NAF1: variants seen among roughly 807,000 people sequenced by gnomAD.
The protein encoded by NAF1 is nuclear assembly factor 1 ribonucleoprotein.
NAF1 carries 11 observed loss-of-function variants against 40.6 expected under a neutral mutation model. That is an observed-to-expected ratio of 0.27 (90% confidence interval 0.17 to 0.45). The LOEUF (loss-of-function observed/expected upper bound fraction) is 0.45. Ranked by LOEUF, NAF1 falls within the 20% of genes least tolerant of loss-of-function variation. The pLI is 1.00. For missense variants in NAF1, 607 were observed against 611.1 expected, an observed-to-expected ratio of 0.99 and a Z score of 0.07; for synonymous variants, 260 against 228.5, an observed-to-expected ratio of 1.14 and a Z score of -1.24.
intron 2 of NAF1, among the ~76,000 whole-genome samples, chr4:163,153,756 G>A (rs554642634): frequency 2.0e-5 from 3 of 152,188 alleles, no homozygotes; most frequent in African/African-American, 7.2e-5. Flanking sequence ...CAGGATGTGG[G>A]TGGGGCCAGA....
At chr4:163,115,393 A>C (rs1192704883) in intron 2 of NAF1, among the ~76,000 whole-genome samples, 2 of 151,912 alleles carry the variant, frequency 1.3e-5, no homozygotes, top group East Asian at 3.9e-4. Flanking sequence ...TATTTTTAGT[A>C]GAGACGGGGT....
At chr4:163,165,461 G>A (rs1406152698) in intron 1 of NAF1, among the ~76,000 whole-genome samples, 2 of 152,154 alleles carry the variant, frequency 1.3e-5, no homozygotes, top group Non-Finnish European at 2.9e-5. Flanking sequence ...AATCCCACAA[G>A]ATGATTATAC....
chr4:163,151,106 T>TAA (rs142691120), intron 2 of NAF1, among the ~76,000 whole-genome samples: 7,534 of 148,400 alleles, frequency 0.051, 238 homozygotes, highest in African/African-American at 0.073. Context: ...TATTAATTTA[T>TAA]AAAAAAAAAA....
intron 5 of NAF1, among the ~76,000 whole-genome samples, chr4:163,138,904 T>C (rs1387988723): frequency 6.6e-6 from 1 of 152,164 alleles, no homozygotes; most frequent in Non-Finnish European, 1.5e-5. Flanking sequence ...ATGCTAAATA[T>C]TTAAAGCATT....
downstream of NAF1, among the ~76,000 whole-genome samples, chr4:163,106,157 A>C (rs1289345662): frequency 1.3e-5 from 2 of 152,094 alleles, no homozygotes; most frequent in Non-Finnish European, 1.5e-5. Flanking sequence ...AGTTATCCCA[A>C]ACAAAGACAT....
At chr4:163,135,558 A>G in intron 6 of NAF1, 1 of 152,202 alleles carries the variant, frequency 6.6e-6, no homozygotes, top group East Asian at 1.9e-4. Flanking sequence ...TGAGAGGCAG[A>G]GAGGGGTGGA....
rs1297764488 is a variant in NAF1 at position 163,166,850 on chromosome 4, G to C, written c.-123C>G. ...CAACACTGCCTGGGCCCAACTTCCCGCGTTTCTCAGGTAACTACACGCGGA... is the reference window on the plus strand; with the variant it reads ...CAACACTGCCTGGGCCCAACTTCCCCCGTTTCTCAGGTAACTACACGCGGA... On this transcript the variant is annotated 5_prime_UTR_variant, in exon 1 of 8. Coordinates refer to ENST00000274054, the MANE Select transcript of NAF1 (RefSeq NM_138386.3). 55 of 1,327,974 alleles carry C rather than the reference G, an allele frequency of 4.1e-5. No individual in the cohort carries two copies. Among genetic ancestry groups the C allele is most frequent in the Admixed American group, 5.7e-5 (2 of 35,350 alleles). 82.3% of individuals were successfully genotyped at this position (1,327,974 alleles called of 1,614,324 possible). A position where few individuals can be genotyped will look rare whatever the true frequency, so the allele number is the denominator to read the frequency against.
At chr4:163,159,885 T>C (rs1047746532) in intron 2 of NAF1, among the ~76,000 whole-genome samples, 1 of 152,210 alleles carries the variant, frequency 6.6e-6, no homozygotes, top group African/African-American at 2.4e-5. Context: ...AATTTTTAAA[T>C]GTTATGTGAA....
chr4:163,151,079 T>C (rs908771703), intron 2 of NAF1, among the ~76,000 whole-genome samples: 8 of 151,986 alleles, frequency 5.3e-5, no homozygotes, highest in African/African-American at 1.9e-4. Flanking sequence ...TTACATATTT[T>C]TTAAGGGCTT....
intron 2 of NAF1, among the ~76,000 whole-genome samples, chr4:163,111,832 G>GTT (rs1474900722): frequency 1.3e-5 from 2 of 152,124 alleles, no homozygotes; most frequent in Admixed American, 6.6e-5. Context: ...GGAGAAAAAA[G>GTT]TAAAAGAGTT....
At chr4:163,164,540 C>G (rs1473148067) in intron 1 of NAF1, 149 bp from the exon 2 acceptor site, 1 of 601,268 alleles carries the variant, frequency 1.7e-6, no homozygotes, top group African/African-American at 2.0e-5. Context: ...TAAGAAATAT[C>G]AACTTTACTA....
intron 7 of NAF1, among the ~76,000 whole-genome samples, chr4:163,132,434 C>T (rs1050419492): frequency 6.6e-6 from 1 of 152,164 alleles, no homozygotes; most frequent in Admixed American, 6.5e-5. Flanking sequence ...GGTGGATGCA[C>T]AGATACTACG....
chr4:163,119,973 A>C (rs1406862634), intron 2 of NAF1: 1 of 152,250 alleles, frequency 6.6e-6, no homozygotes, highest in Non-Finnish European at 1.5e-5. Context: ...AATTATACCT[A>C]ATCAAAAACA....
chr4:163,142,501 A>G (rs1731300068), intron 4 of NAF1, among the ~76,000 whole-genome samples: 1 of 152,252 alleles, frequency 6.6e-6, no homozygotes, highest in Non-Finnish European at 1.5e-5. Flanking sequence ...GAACTAAAAT[A>G]TAAGTGACAT....
At chr4:163,106,347 A>G (rs373782100), downstream of NAF1, among the ~76,000 whole-genome samples, 3 of 152,196 alleles carry the variant, frequency 2.0e-5, no homozygotes, top group Non-Finnish European at 4.4e-5. Flanking sequence ...CCAAGTGACT[A>G]TATGCTAAAT....
chr4:163,121,328 T>C (rs1730511959), intron 2 of NAF1, among the ~76,000 whole-genome samples: 1 of 152,162 alleles, frequency 6.6e-6, no homozygotes, highest in African/African-American at 2.4e-5. Context: ...TTTATATCCA[T>C]ATAAATTTAG....
At chr4:163,151,102 T>C (rs1253882607) in intron 2 of NAF1, among the ~76,000 whole-genome samples, 2 of 150,746 alleles carry the variant, frequency 1.3e-5, no homozygotes, top group South Asian at 2.1e-4. Context: ...CTTTTATTAA[T>C]TTATAAAAAA....
chr4:163,164,930 C>G (rs1732389670), intron 1 of NAF1, among the ~76,000 whole-genome samples: 1 of 152,186 alleles, frequency 6.6e-6, no homozygotes. Flanking sequence ...TAACAGCAAC[C>G]ACTGTCTCAG....
intron 5 of NAF1, among the ~76,000 whole-genome samples, chr4:163,139,724 T>C (rs1731183438): frequency 6.6e-6 from 1 of 152,116 alleles, no homozygotes; most frequent in Non-Finnish European, 1.5e-5. Flanking sequence ...TCTACACAAT[T>C]TTTCAGGGAC....
Sources: allele counts gnomAD v4.1 joint callset (sites outside exome capture counted in the v4.1 genomes callset), GRCh38; gene constraint gnomAD v4.1.1; transcripts MANE v1.5; gene names NCBI Gene and HGNC (gene_info 2026-07-23, HGNC 2026-07-21).